The following CRYBG3 variants were observed in gnomAD, a reference collection of about 807,000 sequenced individuals.
CRYBG3 encodes the protein crystallin beta-gamma domain containing 3.
Under a neutral mutation model 244.2 loss-of-function variants are expected in CRYBG3, and 127 were observed. That is an observed-to-expected ratio of 0.52 (90% CI 0.45 to 0.60). CRYBG3 has a LOEUF of 0.60. Ranked by LOEUF, CRYBG3 falls within the 20% of genes least tolerant of loss-of-function variation. CRYBG3 has a pLI of 0.00. For missense variants in CRYBG3, 3,325 were observed against 3,442.5 expected (o/e 0.97, Z 0.85); for synonymous variants, 1,132 against 1,195.8 (o/e 0.95, Z 1.10).
intron 2 of CRYBG3, among the ~76,000 whole-genome samples, chr3:97,859,736 T>A (rs2039118970): frequency 1.3e-5 from 2 of 152,170 alleles, no homozygotes; most frequent in Admixed American, 1.3e-4. Flanking sequence ...CCTTTCACTT[T>A]ACTGAGGTCA....
intron 11 of CRYBG3, among the ~76,000 whole-genome samples, chr3:97,894,504 T>C (rs549825815): frequency 3.9e-5 from 6 of 152,114 alleles, no homozygotes; most frequent in Non-Finnish European, 8.8e-5. Context: ...CCTTGAGGAA[T>C]CTGGGGAAAG....
intron 17 of CRYBG3, chr3:97,924,337 T>C (rs949397683): frequency 9.8e-6 from 4 of 410,056 alleles, no homozygotes; most frequent in Admixed American, 3.4e-5. Context: ...GAAGAAAATA[T>C]AGGAATCTAC....
chr3:97,894,253 G>C (rs2039614498), intron 11 of CRYBG3, among the ~76,000 whole-genome samples: 1 of 152,056 alleles, frequency 6.6e-6, no homozygotes, highest in Non-Finnish European at 1.5e-5. Flanking sequence ...CTAAAATTCT[G>C]TGCAATGTGC....
intron 17 of CRYBG3, among the ~76,000 whole-genome samples, chr3:97,920,021 C>A (rs1462582026): frequency 6.6e-6 from 1 of 152,120 alleles, no homozygotes; most frequent in Non-Finnish European, 1.5e-5. Context: ...CCACCTGCCT[C>A]AGCCTCCCAA....
chr3:97,827,172 G>A (rs542645773), intron 1 of CRYBG3, among the ~76,000 whole-genome samples: 2 of 152,312 alleles, frequency 1.3e-5, no homozygotes, highest in Admixed American at 6.5e-5. Context: ...CAAAAAAGTG[G>A]CAGTGCTTTT....
At position 97,853,351 on chromosome 3, in the gene CRYBG3, A is replaced by G. The variant is rs1294313346; in HGVS notation, c.216+10090A>G. ...AAATGCCATTATTTCATTCCTTTTTATGGCTGAGTAGTATTCCACAGTATA... is the reference window on the plus strand; with the variant it reads ...AAATGCCATTATTTCATTCCTTTTTGTGGCTGAGTAGTATTCCACAGTATA... On this transcript the variant is annotated intron_variant, in intron 2 of 21. Coordinates refer to ENST00000389622, the MANE Select transcript of CRYBG3 (RefSeq NM_153605.4). Among the ~76,000 whole-genome samples, 5 of 151,620 alleles carry G rather than the reference A, an allele frequency of 3.3e-5. No individual in the cohort carries two copies. The East Asian group carries it at 7.7e-4, about 23-fold the overall frequency.
At position 97,874,328 on chromosome 3, in the gene CRYBG3, G is replaced by A. The variant is rs1285587103; in HGVS notation, c.3134G>A (p.Arg1045Lys). The change falls in exon 4 of 22, where the codon AGA becomes AAA. Residue 1045 changes from arginine to lysine, a missense_variant. By Grantham distance (26) the Arg-to-Lys change is conservative. Around this residue, in one of 4 missense-constraint regions of CRYBG3, gnomAD observed 1,526 missense variants for 1,443.2 expected, o/e 1.06. Transcript: ENST00000389622. ...TTGGAAAAGAAATCCTCATCTTACAGAAAGAAAGAGAACATCCATTTTTTA... is the reference window on the plus strand; with the variant it reads ...TTGGAAAAGAAATCCTCATCTTACAAAAAGAAAGAGAACATCCATTTTTTA... ...LKLEKKSSSY[R>K]KKENIHFLNG... 1.0e-5 allele frequency: 16 copies of A among 1,526,850 alleles called. No homozygotes were observed. The highest frequency in any genetic ancestry group is 1.3e-5 in the Non-Finnish European group (15 of 1,144,582). The allele number at this position is 1,526,850 out of a possible 1,614,324, so 94.6% of individuals were successfully genotyped here.
At chr3:97,933,625 T>C in intron 17 of CRYBG3, 69 bp from the exon 18 acceptor site, 1 of 1,485,432 alleles carries the variant, frequency 6.7e-7, no homozygotes, top group Non-Finnish European at 9.3e-7. Flanking sequence ...CAGGGTACCC[T>C]GTGTTCAGAC....
chr3:97,934,509 A>G (rs1293602602), intron 18 of CRYBG3, among the ~76,000 whole-genome samples: 1 of 151,952 alleles, frequency 6.6e-6, no homozygotes, highest in African/African-American at 2.4e-5. Context: ...AAAGTCAACT[A>G]AAAAAACACA....
intron 15 of CRYBG3, among the ~76,000 whole-genome samples, chr3:97,911,097 G>T (rs1159828069): frequency 6.6e-6 from 1 of 152,190 alleles, no homozygotes. Flanking sequence ...CCCTGATTTT[G>T]ACTGATCTTT....
chr3:97,910,960 G>A (rs1014813798), intron 15 of CRYBG3, among the ~76,000 whole-genome samples: 3 of 152,152 alleles, frequency 2.0e-5, no homozygotes, highest in African/African-American at 7.2e-5. Flanking sequence ...GCAGAAACTT[G>A]CTGGATCACA....
At chr3:97,923,576 A>T (rs2040007898) in intron 17 of CRYBG3, among the ~76,000 whole-genome samples, 1 of 152,010 alleles carries the variant, frequency 6.6e-6, no homozygotes, top group Non-Finnish European at 1.5e-5. Context: ...TATCTAATAA[A>T]AAAAAATCTA....
At chr3:97,942,595 A>G (rs1474531114) in intron 21 of CRYBG3, 152 bp downstream of exon 21, 3 of 706,626 alleles carry the variant, frequency 4.2e-6, no homozygotes, top group Non-Finnish European at 6.7e-6. Flanking sequence ...GCAGTTTTAC[A>G]AACAAAACAA....
intron 18 of CRYBG3, among the ~76,000 whole-genome samples, chr3:97,934,272 GC>G (rs745894712): frequency 1.5e-4 from 23 of 151,982 alleles, no homozygotes; most frequent in Non-Finnish European, 2.4e-4. Context: ...AGGGGCCTGT[GC>G]TTTTACAAAT....
In CRYBG3 at chr3:97,888,357, G is replaced by T; in HGVS notation, c.7306G>T (p.Asp2436Tyr). The change falls in exon 9 of 22, where the codon GAT (aspartate) becomes TAT (tyrosine). Residue 2436 changes from aspartate to tyrosine, a missense_variant. Physicochemically the swap from Asp to Tyr is radical, Grantham distance 160. Transcript: ENST00000389622. ...VKSGVWLAYPDINFKGQATVL... is the reference protein window; with the variant it reads ...VKSGVWLAYPYINFKGQATVL... ...TTTATATAGTTGGCTTGCCTACCCA[G>T]ATATTAATTTTAAGGGACAAGCTAC... 1 of 1,607,960 alleles carries T rather than the reference G, an allele frequency of 6.2e-7. No homozygotes were observed. The highest frequency in any genetic ancestry group is 8.5e-7 in the Non-Finnish European group (1 of 1,175,414).
intron 15 of CRYBG3, among the ~76,000 whole-genome samples, chr3:97,910,711 G>A (rs994599684): frequency 2.6e-5 from 4 of 152,170 alleles, no homozygotes; most frequent in Admixed American, 6.5e-5. Context: ...CGTCTTCTGC[G>A]TCACTCACGC....
Position 97,876,282 on chromosome 3 carries a change from A to AGGT in CRYBG3, c.5093_5095dup (p.Gly1698dup). 1 of 1,231,938 alleles carries AGGT rather than the reference A, an allele frequency of 8.1e-7. No homozygotes were observed. Among genetic ancestry groups the AGGT allele is most frequent in the Non-Finnish European group, 1.0e-6 (1 of 987,876 alleles). The allele number at this position is 1,231,938 out of a possible 1,614,324, so 76.3% of individuals were successfully genotyped here. Reference sequence around the variant, plus strand: ...CAGAAGTGGAAAATATCCACCAAAAAGGTGGTGAAGGGATTAGTGAAAAGG... The same window carrying AGGT: ...CAGAAGTGGAAAATATCCACCAAAAAGGTGGTGGTGAAGGGATTAGTGAAAAGG... On this transcript the variant is annotated inframe_insertion, in exon 4 of 22. Coordinates refer to ENST00000389622, the MANE Select transcript of CRYBG3 (RefSeq NM_153605.4).
At chr3:97,928,970 GTTA>G (rs1312394820) in intron 17 of CRYBG3, among the ~76,000 whole-genome samples, 1 of 152,022 alleles carries the variant, frequency 6.6e-6, no homozygotes, top group African/African-American at 2.4e-5. Flanking sequence ...AGTTTCTACT[GTTA>G]TTATCACTTA....
At chr3:97,879,775 TA>T in intron 5 of CRYBG3, 27 bp downstream of exon 5, 1 of 1,547,410 alleles carries the variant, frequency 6.5e-7, no homozygotes, top group East Asian at 2.3e-5. Context: ...CAAACTAAGA[TA>T]AAGGTTAAAC....
Sources: gnomAD v4.1 joint callset for allele counts (sites outside exome capture counted in the v4.1 genomes callset) on GRCh38, gnomAD v4.1.1 for gene constraint, gnomAD v4.1.1 regional missense constraint, MANE v1.5 for transcripts, NCBI Gene and HGNC (gene_info 2026-07-23, HGNC 2026-07-21) for gene names.